Variants in KIF13A observed in about 807,000 individuals in gnomAD.
KIF13A encodes kinesin family member 13A.
In KIF13A, 79 loss-of-function variants were observed where a neutral mutation model predicts 212.2. The ratio of observed to expected loss-of-function variants is 0.37; its 90% CI spans 0.31 to 0.45. The LOEUF is 0.45. KIF13A is among the 20% of genes least tolerant of loss of function. The pLI, the probability that KIF13A is intolerant of heterozygous loss-of-function variation, is 1.00. For synonymous variants in KIF13A, 789 were observed against 808.6 expected (o/e 0.98, Z 0.41); for missense variants, 1,901 against 2,209.0 (o/e 0.86, Z 2.79).
chr6:17,840,413 A>G (rs1256773042), intron 9 of KIF13A, among the ~76,000 whole-genome samples: 1 of 152,194 alleles, frequency 6.6e-6, no homozygotes, highest in Non-Finnish European at 1.5e-5. Context: ...GCAACTATTG[A>G]TATTTTTGAT....
chr6:17,932,756 T>G (rs1404095419), intron 2 of KIF13A, among the ~76,000 whole-genome samples: 2 of 149,768 alleles, frequency 1.3e-5, no homozygotes, highest in Non-Finnish European at 3.0e-5. Context: ...TTGACTCAGA[T>G]AGCAGAGAGA....
rs1398792444 is a variant in KIF13A at position 17,872,456 on chromosome 6, G to A, written c.220+921C>T. ...CACGGTGACTATAGTTAATAACAAC[G>A]TACTGTATTCCTGAAAATTGCTAAC... On this transcript the variant is annotated intron_variant, in intron 4 of 38. Coordinates refer to ENST00000259711, the MANE Select transcript of KIF13A (RefSeq NM_022113.6). This position sits in a 1 kb window ranked among gnomAD's most constrained non-coding sequence, Gnocchi z 4.7. 6.6e-6 allele frequency among the ~76,000 whole-genome samples: 1 copy of A among 152,062 alleles called. No individual in the cohort carries two copies.
At chr6:17,927,301 G>A (rs770265774) in intron 2 of KIF13A, among the ~76,000 whole-genome samples, 40 of 152,130 alleles carry the variant, frequency 2.6e-4, no homozygotes, top group Admixed American at 5.2e-4. Flanking sequence ...TAAACAAAAT[G>A]GGGTATATAC....
Position 17,965,946 on chromosome 6 carries a change from C to A in KIF13A, c.146+21108G>T, listed in dbSNP as rs183355923. ...ATCCCAGCACTTTGGGTGGCTGAGG[C>A]AGGCGGATCACTTGAGGTTAGGAGT... On this transcript the variant is annotated intron_variant, in intron 2 of 38. Coordinates refer to ENST00000259711, the MANE Select transcript of KIF13A (RefSeq NM_022113.6). 3.5e-3 allele frequency among the ~76,000 whole-genome samples: 527 copies of A among 152,284 alleles called. 4 individuals carry two copies. The highest frequency in any genetic ancestry group is 0.012 in the African/African-American group (512 of 41,564).
chr6:17,880,926 A>G (rs1237678979), intron 3 of KIF13A, among the ~76,000 whole-genome samples: 3 of 152,134 alleles, frequency 2.0e-5, no homozygotes, highest in Non-Finnish European at 2.9e-5. Context: ...CTTAATGCAT[A>G]CAGCTGAGTA....
chr6:17,932,872 A>G (rs573086248), intron 2 of KIF13A, among the ~76,000 whole-genome samples: 8 of 152,196 alleles, frequency 5.3e-5, no homozygotes, highest in African/African-American at 1.9e-4. Context: ...TGGCCAAATT[A>G]TTTTTCCAGT....
chr6:17,944,981 A>G (rs1777260767), intron 2 of KIF13A, among the ~76,000 whole-genome samples: 1 of 152,156 alleles, frequency 6.6e-6, no homozygotes, highest in African/African-American at 2.4e-5. Context: ...ACTTAAAATG[A>G]CCACTTCTAG....
intron 3 of KIF13A, among the ~76,000 whole-genome samples, chr6:17,876,066 A>T (rs1393119416): frequency 6.6e-6 from 1 of 152,086 alleles, no homozygotes; most frequent in African/African-American, 2.4e-5. Context: ...CCCTTTTTGG[A>T]CTAACACTTA....
intron 6 of KIF13A, among the ~76,000 whole-genome samples, chr6:17,852,358 CA>C (rs1767734937): frequency 6.6e-6 from 1 of 152,164 alleles, no homozygotes; most frequent in African/African-American, 2.4e-5. Context: ...AAAAACATGC[CA>C]GATCAAATCA....
rs1771229783 is a variant in KIF13A at position 17,883,118 on chromosome 6, G to C, written c.160-9681C>G. The stretch of plus-strand genomic sequence containing the variant: ...CTCATGCCTATAATCCCAGTGTTTT[G>C]AGAGGCTGAGACTGAAGGATCACTT... On this transcript the variant is annotated intron_variant, in intron 3 of 38. Transcript: ENST00000259711. The surrounding 1 kb of genome is among the most constrained non-coding windows in gnomAD (Gnocchi z 4.8). 3.3e-5 allele frequency among the ~76,000 whole-genome samples: 5 copies of C among 152,136 alleles called. No individual in the cohort carries two copies. The highest frequency in any genetic ancestry group is 3.3e-4 in the Admixed American group (5 of 15,274).
chr6:17,951,164 AT>A lies in KIF13A; in HGVS notation c.146+35889del. 4 of 1,236,228 alleles carry A rather than the reference AT, an allele frequency of 3.2e-6. No homozygotes were observed. Among genetic ancestry groups the A allele is most frequent in the Non-Finnish European group, 3.0e-6 (3 of 989,326 alleles). The allele number at this position is 1,236,228 out of a possible 1,614,324, so 76.6% of individuals were successfully genotyped here. On this transcript the variant is annotated intron_variant, in intron 2 of 38. Transcript: ENST00000259711. The surrounding 1 kb of genome is among the most constrained non-coding windows in gnomAD (Gnocchi z 4.9). Reference sequence around the variant, plus strand: ...TCACCTCACGCCACTTTAATTTTTTATTTTTTTGAAGACAGGGTCTGGCTCT... The same window carrying A: ...TCACCTCACGCCACTTTAATTTTTTATTTTTTGAAGACAGGGTCTGGCTCT...
intron 20 of KIF13A, among the ~76,000 whole-genome samples, chr6:17,802,495 G>A (rs1762555155): frequency 6.6e-6 from 1 of 152,026 alleles, no homozygotes; most frequent in Non-Finnish European, 1.5e-5. Context: ...TCTCCATGTT[G>A]GTCAGGCTGG....
chr6:17,969,561 T>G (rs1180934034), intron 2 of KIF13A, among the ~76,000 whole-genome samples: 2 of 152,242 alleles, frequency 1.3e-5, no homozygotes, highest in Non-Finnish European at 2.9e-5. Flanking sequence ...TATACTTTTA[T>G]TTTTCTTCCT....
rs66892432 is a variant in KIF13A at position 17,777,836 on chromosome 6, TA to T, written c.4093-483del. ...TATTTGTTTAGCAATTTATCAAAAA[TA>T]TTTTTTTTAAGATAAATAAAACTGC... On this transcript the variant is annotated intron_variant, in intron 33 of 38. Coordinates refer to ENST00000259711, the MANE Select transcript of KIF13A (RefSeq NM_022113.6). This position sits in a 1 kb window ranked among gnomAD's most constrained non-coding sequence, Gnocchi z 4.4. 0.27 allele frequency among the ~76,000 whole-genome samples: 32,390 copies of T among 121,072 alleles called. 3,821 individuals are homozygous for T. The highest frequency in any genetic ancestry group is 0.45 in the East Asian group (1,585 of 3,512). The allele number at this position is 121,072 out of a possible 152,430, so 79.4% of individuals were successfully genotyped here. A position where few individuals can be genotyped will look rare whatever the true frequency, so the allele number is the denominator to read the frequency against.
intron 4 of KIF13A, among the ~76,000 whole-genome samples, chr6:17,860,441 G>A (rs1768643075): frequency 6.6e-6 from 1 of 152,038 alleles, no homozygotes; most frequent in African/African-American, 2.4e-5. Context: ...TGCCTGCCTT[G>A]GCCTCCCAAA....
intron 4 of KIF13A, 106 bp downstream of exon 4, chr6:17,873,271 G>T: frequency 1.4e-6 from 1 of 738,346 alleles, no homozygotes; most frequent in Non-Finnish European, 2.2e-6. Context: ...AAGAACAGGT[G>T]TGAATTACAC....
chr6:17,903,516 T>C (rs1164392608), intron 2 of KIF13A, among the ~76,000 whole-genome samples: 1 of 152,150 alleles, frequency 6.6e-6, no homozygotes, highest in Non-Finnish European at 1.5e-5. Flanking sequence ...TATACACAAT[T>C]ATCAGAGAAA....
chr6:17,928,628 C>G (rs1581758652), intron 2 of KIF13A, among the ~76,000 whole-genome samples: 1 of 152,164 alleles, frequency 6.6e-6, no homozygotes, highest in African/African-American at 2.4e-5. Flanking sequence ...ACTATAAATA[C>G]CTTCTCTTTG....
At chr6:17,910,025 C>T (rs1026004280) in intron 2 of KIF13A, among the ~76,000 whole-genome samples, 3 of 152,234 alleles carry the variant, frequency 2.0e-5, no homozygotes, top group African/African-American at 7.2e-5. Context: ...ATGCTACAAA[C>T]ACTTCAGGAC....
Sources: gnomAD v4.1 joint callset for allele counts (sites outside exome capture counted in the v4.1 genomes callset) on GRCh38, gnomAD v4.1.1 for gene constraint, Gnocchi (gnomAD v3.1) non-coding constraint, MANE v1.5 for transcripts, NCBI Gene and HGNC (gene_info 2026-07-23, HGNC 2026-07-21) for gene names.